The following KIRREL3 variants were observed in gnomAD, a reference collection of about 807,000 sequenced individuals.
KIRREL3 encodes kin of IRRE-like protein 3.
A neutral mutation model predicts 89.7 loss-of-function variants in KIRREL3; 36 were observed. The ratio of observed to expected loss-of-function variants is 0.40; its 90% CI spans 0.31 to 0.53. The LOEUF is 0.53. Ranked by LOEUF, KIRREL3 falls within the 20% of genes least tolerant of loss-of-function variation. KIRREL3 has a pLI of 0.49. For missense variants in KIRREL3, 864 were observed against 1,056.6 expected, an observed-to-expected ratio of 0.82 and a Z score of 2.53; for synonymous variants, 445 against 441.4, an observed-to-expected ratio of 1.01 and a Z score of -0.10.
intron 1 of KIRREL3, among the ~76,000 whole-genome samples, chr11:126,722,608 G>A (rs1391120892): frequency 6.6e-6 from 1 of 152,198 alleles, no homozygotes; most frequent in African/African-American, 2.4e-5. Context: ...CTGAGTAGTT[G>A]CAAAAAAGAC....
In KIRREL3 at chr11:126,795,893, T is replaced by A. The variant is rs1355825012; in HGVS notation, c.55+204562A>T. 2.0e-5 allele frequency among the ~76,000 whole-genome samples: 3 copies of A among 152,222 alleles called. No individual in the cohort carries two copies. Among genetic ancestry groups the A allele is most frequent in the East Asian group, 3.9e-4 (2 of 5,178 alleles). On this transcript the variant is annotated intron_variant, in intron 1 of 16. Transcript: ENST00000525144. The surrounding 1 kb of genome is among the most constrained non-coding windows in gnomAD (Gnocchi z 4.1). ...CAGGCCAGCCTCCGTACTGCCAGGC[T>A]CGTCCTCACCCTGGGTAAAGGCTCA...
intron 1 of KIRREL3, among the ~76,000 whole-genome samples, chr11:126,842,956 T>C (rs1944014974): frequency 6.6e-6 from 1 of 151,890 alleles, no homozygotes; most frequent in Non-Finnish European, 1.5e-5. Flanking sequence ...CAGATTTTTT[T>C]TTTTCTTTCT....
chr11:126,488,883 C>G (rs1049495063), intron 4 of KIRREL3, among the ~76,000 whole-genome samples: 4 of 152,226 alleles, frequency 2.6e-5, no homozygotes, highest in African/African-American at 9.6e-5. Flanking sequence ...AGCCTTACCC[C>G]GTGCCCGTCT....
Position 126,620,222 on chromosome 11 carries a change from C to T in KIRREL3, c.56-57310G>A, listed in dbSNP as rs1943521398. Among the ~76,000 whole-genome samples, 1 of 152,150 alleles carries T rather than the reference C, an allele frequency of 6.6e-6. No homozygotes were observed. The highest frequency in any genetic ancestry group is 2.1e-4 in the South Asian group (1 of 4,826). On this transcript the variant is annotated intron_variant, in intron 1 of 16. Coordinates refer to ENST00000525144, the MANE Select transcript of KIRREL3 (RefSeq NM_032531.4). This position sits in a 1 kb window ranked among gnomAD's most constrained non-coding sequence, Gnocchi z 4.8. ...TCAGCTATTATAGTTCCCTTTAGTT[C>T]TTTCTAAACTTCCCTTGTTCTTTGA...
chr11:126,487,619 A>C (rs2134326041), intron 4 of KIRREL3, among the ~76,000 whole-genome samples: 1 of 152,386 alleles, frequency 6.6e-6, no homozygotes, highest in African/African-American at 2.4e-5. Flanking sequence ...CAAAAAGTAC[A>C]AGCTTCTACA....
At chr11:126,998,751 C>T (rs986597721) in intron 1 of KIRREL3, among the ~76,000 whole-genome samples, 4 of 152,180 alleles carry the variant, frequency 2.6e-5, no homozygotes, top group South Asian at 2.1e-4. Context: ...ATAAGTATCA[C>T]GGATCAAGCT....
Position 126,533,202 on chromosome 11 carries a change from C to T in KIRREL3, c.134-6515G>A, listed in dbSNP as rs776138418. ...CTAAAGAGTCCTATGAGATAGGTAC[C>T]GTATCACACCTACGTGAAGATGAGG... is the stretch of plus-strand genomic sequence containing the variant. On this transcript the variant is annotated intron_variant, in intron 2 of 16. Transcript: ENST00000525144. 6.6e-5 allele frequency among the ~76,000 whole-genome samples: 10 copies of T among 152,266 alleles called. No individual in the cohort carries two copies. In the East Asian group the frequency reaches 7.7e-4, roughly 12 times the overall value.
chr11:126,923,213 CTTCTTCT>C lies in KIRREL3; in HGVS notation c.55+77235_55+77241del, dbSNP rs1565423575. 6.8e-4 allele frequency among the ~76,000 whole-genome samples: 13 copies of C among 19,242 alleles called. 1 individual carries two copies. The South Asian group carries it at 0.013, about 19-fold the overall frequency. 12.6% of individuals were successfully genotyped at this position (19,242 alleles called of 152,430 possible). On this transcript the variant is annotated intron_variant, in intron 1 of 16. Coordinates refer to ENST00000525144, the MANE Select transcript of KIRREL3 (RefSeq NM_032531.4). ...TCTTCTTCTTCTTCTTCTTCTTCTTCTTCTTCTTCTTCTTCTTCTTCTTCTTCTTCTT... is the reference window on the plus strand; with the variant it reads ...TCTTCTTCTTCTTCTTCTTCTTCTTCTCTTCTTCTTCTTCTTCTTCTTCTT...
intron 1 of KIRREL3, among the ~76,000 whole-genome samples, chr11:126,732,717 T>C (rs1354729815): frequency 6.6e-6 from 1 of 152,212 alleles, no homozygotes; most frequent in African/African-American, 2.4e-5. Flanking sequence ...AAAGACACTT[T>C]GAGGAAGGTA....
At chr11:126,947,944 G>A (rs1948664307) in intron 1 of KIRREL3, among the ~76,000 whole-genome samples, 1 of 152,180 alleles carries the variant, frequency 6.6e-6, no homozygotes, top group Admixed American at 6.5e-5. Context: ...AACTGGAACT[G>A]TGAAGCTACT....
chr11:126,940,363 C>T lies in KIRREL3; in HGVS notation c.55+60092G>A, dbSNP rs909522876. The T allele has an allele frequency of 5.9e-5, 9 of 151,752 alleles. No homozygotes were observed. Among genetic ancestry groups the T allele is most frequent in the African/African-American group, 1.2e-4 (5 of 41,324 alleles). The allele number at this position is 151,752 out of a possible 1,614,324, so 9.4% of individuals were successfully genotyped here. A position where few individuals can be genotyped will look rare whatever the true frequency, so the allele number is the denominator to read the frequency against. On this transcript the variant is annotated intron_variant, in intron 1 of 16. Coordinates refer to ENST00000525144, the MANE Select transcript of KIRREL3 (RefSeq NM_032531.4). The surrounding 1 kb of genome is among the most constrained non-coding windows in gnomAD (Gnocchi z 4.6). ...CAGATAATAAAAAGATTTATAATTA[C>T]GCCAGTAGATTTACTTTTGCTATGC...
rs1196910068 is a variant in KIRREL3, at chr11:126,521,394, C to T, written c.354G>A (p.Glu118=). 1 of 1,568,962 alleles carries T rather than the reference C, an allele frequency of 6.4e-7. No homozygotes were observed. The highest frequency in any genetic ancestry group is 8.6e-7 in the Non-Finnish European group (1 of 1,157,032). ...ACTCGTACACCGCATCGTCTTGCAG[C>T]TCTGCCCTCAGGATCTTCAGGTGGT... ...GEHHLKILRA[E]LQDDAVYECQ... Residue 118 remains glutamate (E), a synonymous_variant, in exon 4 of 17, where the codon GAG becomes GAA. Transcript: ENST00000525144. This position sits in a 1 kb window ranked among gnomAD's most constrained non-coding sequence, Gnocchi z 4.1.
intron 1 of KIRREL3, among the ~76,000 whole-genome samples, chr11:126,716,929 T>TA (rs1565673735): frequency 4.1e-4 from 63 of 152,126 alleles, no homozygotes; most frequent in African/African-American, 1.4e-3. Context: ...AAGGCGGGAA[T>TA]GAGCCTAGGG....
chr11:126,725,628 C>T (rs941767767), intron 1 of KIRREL3, among the ~76,000 whole-genome samples: 5 of 152,222 alleles, frequency 3.3e-5, no homozygotes, highest in African/African-American at 4.8e-5. Flanking sequence ...TGGTAGAGGC[C>T]GTCCTTGTCT....
At chr11:126,799,818 A>G (rs532484361) in intron 1 of KIRREL3, among the ~76,000 whole-genome samples, 1 of 152,306 alleles carries the variant, frequency 6.6e-6, no homozygotes, top group African/African-American at 2.4e-5. Flanking sequence ...AGACACTAAA[A>G]GGAGCTAAGT....
At chr11:126,784,129 A>C (rs1950411017) in intron 1 of KIRREL3, among the ~76,000 whole-genome samples, 1 of 152,240 alleles carries the variant, frequency 6.6e-6, no homozygotes, top group African/African-American at 2.4e-5. Flanking sequence ...TTAAGGAGAC[A>C]AGACTGCTAA....
intron 1 of KIRREL3, among the ~76,000 whole-genome samples, chr11:126,951,657 A>G (rs1948777477): frequency 6.6e-6 from 1 of 152,204 alleles, no homozygotes. Context: ...CCTTCTCTTC[A>G]TGGAATGAGT....
intron 8 of KIRREL3, among the ~76,000 whole-genome samples, chr11:126,447,138 G>A (rs907276321): frequency 2.0e-5 from 3 of 152,024 alleles, no homozygotes; most frequent in East Asian, 1.9e-4. Context: ...GGAGGTGGTC[G>A]GCAGCGTGGG....
Position 126,780,197 on chromosome 11 carries a change from G to T in KIRREL3, c.56-217285C>A, listed in dbSNP as rs1950286230. 6.6e-6 allele frequency among the ~76,000 whole-genome samples: 1 copy of T among 152,192 alleles called. No homozygotes were observed. Among genetic ancestry groups the T allele is most frequent in the African/African-American group, 2.4e-5 (1 of 41,434 alleles). On this transcript the variant is annotated intron_variant, in intron 1 of 16. Transcript: ENST00000525144. The surrounding 1 kb of genome is among the most constrained non-coding windows in gnomAD (Gnocchi z 5.3). ...AATGAAAGGAAAACAGGAAAAGACT[G>T]CAGAAGGAAGAAGATAAGGAAGCAA... is the stretch of plus-strand genomic sequence containing the variant.
Sources: allele counts gnomAD v4.1 joint callset (sites outside exome capture counted in the v4.1 genomes callset), GRCh38; gene constraint gnomAD v4.1.1; non-coding constraint Gnocchi (gnomAD v3.1); transcripts MANE v1.5; gene names NCBI Gene and HGNC (gene_info 2026-07-23, HGNC 2026-07-21).